NSUN2: variants seen among roughly 807,000 people sequenced by gnomAD.
The protein encoded by NSUN2 is NOP2/Sun RNA methyltransferase 2, also known as RNA cytosine C(5)-methyltransferase NSUN2.
NSUN2 carries 63 observed loss-of-function variants against 92.7 expected under a neutral mutation model. That is an observed-to-expected ratio of 0.68 (90% CI 0.56 to 0.84). NSUN2 has a LOEUF of 0.84. Among genes scored for constraint, NSUN2 ranks in the 40% least tolerant of loss-of-function variants. The probability of loss-of-function intolerance (pLI) is 0.00; values close to 1 mark genes in which losing one functional copy is unlikely to be tolerated. For synonymous variants in NSUN2, 356 were observed against 348.3 expected (o/e 1.02, Z -0.25); for missense variants, 989 against 964.9 (o/e 1.02, Z -0.33).
chr5:6,610,524 A>G (rs1284056924), intron 11 of NSUN2, among the ~76,000 whole-genome samples: 4 of 152,032 alleles, frequency 2.6e-5, no homozygotes, highest in African/African-American at 9.7e-5. Context: ...CCCTGTCTCT[A>G]CTAATAAAAA....
chr5:6,604,729 G>C (rs780674221), intron 15 of NSUN2, 44 bp from the exon 16 acceptor site: 2 of 1,502,560 alleles, frequency 1.3e-6, no homozygotes, highest in Non-Finnish European at 1.9e-6. Flanking sequence ...GATGAAGACA[G>C]GACCATCTCC....
intron 6 of NSUN2, 67 bp from the exon 7 acceptor site, chr5:6,620,365 G>T: frequency 2.4e-6 from 3 of 1,237,082 alleles, no homozygotes; most frequent in South Asian, 3.5e-5. Flanking sequence ...TGAAATATGC[G>T]ACCTCCAAAG....
At chr5:6,604,874 A>C in intron 15 of NSUN2, 189 bp from the exon 16 acceptor site, 2 of 614,450 alleles carry the variant, frequency 3.3e-6, no homozygotes. Context: ...GGAGGACAGT[A>C]AAGCAAATGA....
At chr5:6,610,606 C>T (rs1158165173) in intron 11 of NSUN2, among the ~76,000 whole-genome samples, 1 of 151,622 alleles carries the variant, frequency 6.6e-6, no homozygotes, top group Non-Finnish European at 1.5e-5. Context: ...ATTGCTTGAA[C>T]CCAGGAGGCA....
chr5:6,630,247 G>C (rs1044933720), intron 3 of NSUN2, among the ~76,000 whole-genome samples: 1 of 152,152 alleles, frequency 6.6e-6, no homozygotes, highest in Admixed American at 6.5e-5. Flanking sequence ...CGTAGCACCC[G>C]TATCATTTTC....
chr5:6,617,036 T>TA (rs1273930770), intron 8 of NSUN2, among the ~76,000 whole-genome samples, 179 bp from the exon 9 acceptor site: 3 of 151,824 alleles, frequency 2.0e-5, no homozygotes, highest in Non-Finnish European at 2.9e-5. Flanking sequence ...TTCATGTTAA[T>TA]AAAAAAAATG....
chr5:6,619,523 CT>C, intron 7 of NSUN2, among the ~76,000 whole-genome samples: 2 of 152,186 alleles, frequency 1.3e-5, no homozygotes, highest in Non-Finnish European at 1.5e-5. Flanking sequence ...TTTAAAAAAA[CT>C]TGTTACTCAG....
intron 3 of NSUN2, among the ~76,000 whole-genome samples, chr5:6,629,508 A>G (rs1278949164): frequency 6.6e-6 from 1 of 152,234 alleles, no homozygotes; most frequent in African/African-American, 2.4e-5. Context: ...TCTTCATCTT[A>G]AAAGCATTTC....
chr5:6,626,362 G>A (rs948406088), intron 3 of NSUN2, among the ~76,000 whole-genome samples: 1 of 149,472 alleles, frequency 6.7e-6, no homozygotes, highest in Non-Finnish European at 1.5e-5. Flanking sequence ...GAGAAATGGG[G>A]GATACTAAAA....
intron 4 of NSUN2, among the ~76,000 whole-genome samples, chr5:6,624,344 C>T (rs1450475005): frequency 2.7e-5 from 4 of 149,656 alleles, no homozygotes; most frequent in Non-Finnish European, 4.5e-5. Context: ...CTTTCCATAA[C>T]CCAGAGGTTA....
chr5:6,632,884 C>T lies in NSUN2; in HGVS notation c.96G>A (p.Ala32=). The T allele has an allele frequency of 6.5e-7, 1 of 1,531,970 alleles. No homozygotes were observed. The highest frequency in any genetic ancestry group is 8.7e-7 in the Non-Finnish European group (1 of 1,144,352). The allele number at this position is 1,531,970 out of a possible 1,614,324, so 94.9% of individuals were successfully genotyped here. Residue 32 remains alanine (A), a splice_region_variant and synonymous_variant, in exon 1 of 19, where the codon GCG becomes GCA. Coordinates refer to ENST00000264670, the MANE Select transcript of NSUN2 (RefSeq NM_017755.6). ...CCGCCCGCCGGGTCCCGGCTCCTAC[C>T]GCCTCGCCGCGCTTTCCACCACCCT... ...GAEGGGKRGE[A]GWEGGYPEIV...
intron 14 of NSUN2, among the ~76,000 whole-genome samples, chr5:6,606,388 A>T (rs1047940642): frequency 6.6e-6 from 1 of 152,042 alleles, no homozygotes; most frequent in Non-Finnish European, 1.5e-5. Context: ...GGTTCACGCC[A>T]TTCTCCTGCC....
intron 9 of NSUN2, among the ~76,000 whole-genome samples, chr5:6,613,628 C>T (rs902933331): frequency 1.3e-5 from 2 of 152,230 alleles, no homozygotes; most frequent in African/African-American, 4.8e-5. Flanking sequence ...CCTTCTGTGA[C>T]CTGTGACAAT....
chr5:6,600,363 G>A (rs1237063704), intron 18 of NSUN2, 131 bp from the exon 19 acceptor site: 1 of 787,580 alleles, frequency 1.3e-6, no homozygotes, highest in African/African-American at 1.7e-5. Context: ...AAAACTACTG[G>A]GAGGACATTT....
rs1737005410 is a variant in NSUN2, at chr5:6,611,817, G to A, written c.1022-19C>T. Reference sequence around the variant, plus strand: ...AAAGCACCTGTGCAGCAAAAGCATGGACGTCTTTTGTTTTTCAAAAAAGTA... The same window carrying A: ...AAAGCACCTGTGCAGCAAAAGCATGAACGTCTTTTGTTTTTCAAAAAAGTA... On this transcript the variant is annotated intron_variant, in intron 9 of 18. Transcript: ENST00000264670. 1 of 1,611,774 alleles carries A rather than the reference G, an allele frequency of 6.2e-7. No individual in the cohort carries two copies. Among genetic ancestry groups the A allele is most frequent in the East Asian group, 2.2e-5 (1 of 44,858 alleles).
At chr5:6,620,415 C>T in intron 6 of NSUN2, 117 bp from the exon 7 acceptor site, 3 of 757,262 alleles carry the variant, frequency 4.0e-6, no homozygotes, top group Non-Finnish European at 6.1e-6. Flanking sequence ...AACTTAAGAC[C>T]CACAGTCAAG....
chr5:6,605,801 G>T (rs901680159), intron 14 of NSUN2, among the ~76,000 whole-genome samples: 2 of 151,664 alleles, frequency 1.3e-5, no homozygotes, highest in Admixed American at 1.3e-4. Context: ...GGGTTGAAGC[G>T]GTTCTCCTGC....
intron 10 of NSUN2, among the ~76,000 whole-genome samples, chr5:6,611,413 C>T (rs1339838198): frequency 8.2e-6 from 1 of 122,338 alleles, no homozygotes; most frequent in Non-Finnish European, 1.6e-5. Context: ...TGAATTACTT[C>T]ATATTGGAAA....
intron 17 of NSUN2, among the ~76,000 whole-genome samples, chr5:6,603,572 T>A (rs1050047502): frequency 6.6e-6 from 1 of 152,266 alleles, no homozygotes; most frequent in East Asian, 1.9e-4. Context: ...GTGCTTGTAG[T>A]CCCAGCTACT....
Sources: allele counts gnomAD v4.1 joint callset (sites outside exome capture counted in the v4.1 genomes callset), GRCh38; gene constraint gnomAD v4.1.1; transcripts MANE v1.5; gene names NCBI Gene and HGNC (gene_info 2026-07-23, HGNC 2026-07-21).